The following ENDOU variants were observed in gnomAD, a reference collection of about 807,000 sequenced individuals.
ENDOU encodes endonuclease, poly(U) specific.
ENDOU carries 49 observed loss-of-function variants against 54.2 expected under a neutral mutation model. The ratio of observed to expected loss-of-function variants is 0.90; its 90% confidence interval spans 0.72 to 1.15. The LOEUF (loss-of-function observed/expected upper bound fraction) is 1.15. Ranked by LOEUF, ENDOU falls within the 50% of genes most tolerant of loss-of-function variation. ENDOU has a pLI of 0.00. For missense variants in ENDOU, 458 were observed against 511.4 expected (o/e 0.90, Z 1.01); for synonymous variants, 172 against 190.5 (o/e 0.90, Z 0.80).
At chr12:47,712,382 T>G (rs1592500615) in intron 8 of ENDOU, 134 bp downstream of exon 8, 1 of 659,940 alleles carries the variant, frequency 1.5e-6, no homozygotes. Context: ...GTCTAGCAGG[T>G]GAGGACGTGA....
At chr12:47,723,394 C>T (rs1014594874) in intron 1 of ENDOU, among the ~76,000 whole-genome samples, 1 of 152,152 alleles carries the variant, frequency 6.6e-6, no homozygotes, top group Non-Finnish European at 1.5e-5. Flanking sequence ...TAACAACTCA[C>T]TCCAGCATCC....
intron 1 of ENDOU, among the ~76,000 whole-genome samples, chr12:47,722,322 G>A (rs552691095): frequency 4.6e-5 from 7 of 152,254 alleles, no homozygotes; most frequent in Admixed American, 2.0e-4. Context: ...AGACTCTGGC[G>A]CCAAACTGCT....
At chr12:47,713,434 G>T in intron 6 of ENDOU, 46 bp from the exon 7 acceptor site, 1 of 1,391,114 alleles carries the variant, frequency 7.2e-7, no homozygotes. Flanking sequence ...GCAGGGCCAG[G>T]TCCTGGGAGC....
chr12:47,712,539 A>G lies in ENDOU; in HGVS notation c.949T>C (p.Tyr317His), dbSNP rs758047008. Reference protein sequence around the residue: ...LEEKEGLVDYYSHIYDGPWDS... With the variant: ...LEEKEGLVDYHSHIYDGPWDS... ...ACAGGCCCATCGTAGATGTGACTGT[A>G]ATAGTCAACCAGACCCTCCTTCTCC... The change falls in exon 8 of 10, where the codon TAC (tyrosine) becomes CAC (histidine). Residue 317 changes from tyrosine (Y) to histidine (H), a missense_variant. Physicochemically the swap from Tyr to His is moderately conservative, Grantham distance 83. Transcript: ENST00000422538. The G allele has an allele frequency of 3.1e-6, 5 of 1,613,624 alleles. No homozygotes were observed. The East Asian group carries it at 6.7e-5, about 22-fold the overall frequency.
At position 47,716,958 on chromosome 12, in the gene ENDOU, G is replaced by T. The variant is rs368944624; in HGVS notation, c.483C>A (p.Ile161=). Residue 161 remains isoleucine, a synonymous_variant, in exon 5 of 10, where the codon ATC becomes ATA. Coordinates refer to ENST00000422538, the MANE Select transcript of ENDOU (RefSeq NM_001172439.2). ...ADTNKAQKED[I]VLNSQNCISP... The stretch of plus-strand genomic sequence containing the variant: ...AGATGCAGTTTTGGCTATTGAGAAC[G>T]ATGTCTTCCTTCTGGGCTTTGTTGG... The T allele has an allele frequency of 2.3e-5, 37 of 1,614,030 alleles. No homozygotes were observed. The highest frequency in any genetic ancestry group is 3.0e-5 in the Non-Finnish European group (35 of 1,179,998).
intron 1 of ENDOU, among the ~76,000 whole-genome samples, chr12:47,724,345 G>A (rs1054625116): frequency 2.6e-5 from 4 of 152,278 alleles, no homozygotes; most frequent in South Asian, 2.1e-4. Context: ...TGGTTGGGAG[G>A]CACAACTTCC....
At chr12:47,721,336 T>G (rs573574416) in intron 1 of ENDOU, among the ~76,000 whole-genome samples, 38 of 152,178 alleles carry the variant, frequency 2.5e-4, no homozygotes, top group Non-Finnish European at 2.6e-4. Context: ...TGTGAAATTT[T>G]CCAACCTTGT....
At chr12:47,718,311 C>A in intron 2 of ENDOU, 117 bp from the exon 3 acceptor site, 1 of 807,602 alleles carries the variant, frequency 1.2e-6, no homozygotes, top group South Asian at 1.5e-5. Flanking sequence ...GAAGCAAATT[C>A]TGAACAGGGG....
rs1248198016 is a variant in ENDOU, at chr12:47,716,312, G to C, written c.739C>G (p.Leu247Val). 6.2e-7 allele frequency: 1 copy of C among 1,614,102 alleles called. No homozygotes were observed. Among genetic ancestry groups the C allele is most frequent in the Admixed American group, 1.7e-5 (1 of 60,026 alleles). The change falls in exon 6 of 10, where the codon CTC becomes GTC. Residue 247 changes from leucine (L) to valine (V), a missense_variant. Leu to Val is a conservative substitution (Grantham distance 32, BLOSUM62 1). Transcript: ENST00000422538. ...TAVMKELYSF[L>V]HHQNRYGSEQ... ...GGTGCTCACTCACTCTGGTGATGGA[G>C]GAAGCTGTAGAGCTCCTTCATGACT...
intron 5 of ENDOU, 80 bp from the exon 6 acceptor site, chr12:47,716,579 G>C (rs1940244552): frequency 1.5e-6 from 2 of 1,348,308 alleles, no homozygotes; most frequent in Non-Finnish European, 1.0e-6. Flanking sequence ...AGACAGGCCA[G>C]GGGCAGACAG....
intron 9 of ENDOU, 93 bp from the exon 10 acceptor site, chr12:47,711,012 C>A: frequency 8.1e-6 from 6 of 740,810 alleles, no homozygotes; most frequent in Non-Finnish European, 1.1e-5. Flanking sequence ...AGCAGAAGGG[C>A]TCCATTCTGC....
At position 47,716,367 on chromosome 12, in the gene ENDOU, G is replaced by T. The variant is rs61734364; in HGVS notation, c.684C>A (p.Asp228Glu). The T allele has an allele frequency of 1.9e-6, 3 of 1,614,076 alleles. No individual in the cohort carries two copies. The highest frequency in any genetic ancestry group is 2.5e-6 in the Non-Finnish European group (3 of 1,180,002). ...HFSAQELAEQ[D>E]AFLREIMKTA... ...TCTTCATGATCTCTCTGAGGAAGGC[G>T]TCCTGCTCGGCCAGCTCCTGGGCAC... The change falls in exon 6 of 10, where the codon GAC becomes GAA. Residue 228 changes from aspartate to glutamate, a missense_variant. Asp to Glu is a conservative substitution (Grantham distance 45). Coordinates refer to ENST00000422538, the MANE Select transcript of ENDOU (RefSeq NM_001172439.2).
At chr12:47,715,373 T>A (rs1940190405) in intron 6 of ENDOU, among the ~76,000 whole-genome samples, 1 of 152,218 alleles carries the variant, frequency 6.6e-6, no homozygotes, top group Admixed American at 6.5e-5. Flanking sequence ...AACTCATTTG[T>A]GGCCTCAGAT....
chr12:47,711,244 A>G (rs1939988561), intron 9 of ENDOU, among the ~76,000 whole-genome samples: 1 of 152,232 alleles, frequency 6.6e-6, no homozygotes, highest in Non-Finnish European at 1.5e-5. Flanking sequence ...GAAGAACTCA[A>G]CGTGTCCGAA....
At chr12:47,717,851 G>C (rs1940310150) in intron 3 of ENDOU, 196 bp from the exon 4 acceptor site, 1 of 619,430 alleles carries the variant, frequency 1.6e-6, no homozygotes, top group Non-Finnish European at 2.8e-6. Flanking sequence ...TTACTTTCTG[G>C]CCTGCTGTTT....
At chr12:47,715,584 C>G (rs1328887744) in intron 6 of ENDOU, among the ~76,000 whole-genome samples, 1 of 152,220 alleles carries the variant, frequency 6.6e-6, no homozygotes, top group African/African-American at 2.4e-5. Flanking sequence ...GGCAGCAGCT[C>G]TGAGCCAAGG....
chr12:47,722,979 C>T (rs1393131262), intron 1 of ENDOU, among the ~76,000 whole-genome samples: 1 of 152,230 alleles, frequency 6.6e-6, no homozygotes, highest in Non-Finnish European at 1.5e-5. Flanking sequence ...AGCCCATCAG[C>T]TCCCTGCTCA....
rs1940296719 is a variant in ENDOU at position 47,717,562 on chromosome 12, A to G, written c.338T>C (p.Phe113Ser). The G allele has an allele frequency of 6.2e-7, 1 of 1,614,146 alleles. No homozygotes were observed. Among genetic ancestry groups the G allele is most frequent in the East Asian group, 2.2e-5 (1 of 44,874 alleles). Reference protein sequence around the residue: ...QCHCNARCQEFGNCCKDFESL... With the variant: ...QCHCNARCQESGNCCKDFESL... ...CTCAAAATCCTTGCAGCAGTTCCCA[A>G]ACTCTTGGCAGCGGGCATTGCAGTG... The change falls in exon 4 of 10, where the codon TTT (phenylalanine) becomes TCT (serine). Residue 113 changes from phenylalanine (F) to serine (S), a missense_variant. Transcript: ENST00000422538.
intron 5 of ENDOU, 120 bp from the exon 6 acceptor site, chr12:47,716,619 C>T: frequency 1.2e-6 from 1 of 862,934 alleles, no homozygotes; most frequent in Non-Finnish European, 1.8e-6. Flanking sequence ...GCCGAGGGGG[C>T]ACTTCGGGTA....
Sources: allele counts gnomAD v4.1 joint callset (sites outside exome capture counted in the v4.1 genomes callset), GRCh38; gene constraint gnomAD v4.1.1; transcripts MANE v1.5; gene names NCBI Gene and HGNC (gene_info 2026-07-23, HGNC 2026-07-21).